Variants in ERLEC1 observed in about 807,000 individuals in gnomAD.
The protein encoded by ERLEC1 is endoplasmic reticulum lectin 1, also known as ER lectin.
In ERLEC1, 47 loss-of-function variants were observed where a neutral mutation model predicts 68.0. That is an observed-to-expected ratio of 0.69 (90% confidence interval 0.55 to 0.88). The LOEUF (loss-of-function observed/expected upper bound fraction) is 0.88, where lower values mean the gene tolerates loss of function less well. Among genes scored for constraint, ERLEC1 ranks in the 40% least tolerant of loss-of-function variants. The probability of loss-of-function intolerance (pLI) is 0.00; values close to 1 mark genes in which losing one functional copy is unlikely to be tolerated. For missense variants in ERLEC1, 567 were observed against 583.8 expected, an observed-to-expected ratio of 0.97 and a Z score of 0.30; for synonymous variants, 225 against 203.2, an observed-to-expected ratio of 1.11 and a Z score of -0.91.
At chr2:53,805,522 C>G (rs1395151579) in intron 8 of ERLEC1, among the ~76,000 whole-genome samples, 3 of 152,102 alleles carry the variant, frequency 2.0e-5, no homozygotes, top group African/African-American at 7.2e-5. Flanking sequence ...CTGGACGACC[C>G]TACATTTTCT....
At chr2:53,815,238 T>G (rs986697543) in intron 13 of ERLEC1, among the ~76,000 whole-genome samples, 1 of 151,980 alleles carries the variant, frequency 6.6e-6, no homozygotes, top group African/African-American at 2.4e-5. Flanking sequence ...ACTCCTGACC[T>G]CAGGTGATCC....
rs150918246 is a variant in ERLEC1, at chr2:53,797,785, A to G, written c.480A>G (p.Leu160=). The change falls in exon 5 of 14, where the codon CTA becomes CTG. Residue 160 remains leucine, a synonymous_variant. Coordinates refer to ENST00000185150, the MANE Select transcript of ERLEC1 (RefSeq NM_015701.5). ...GGAATATGTTGGCCAAGAACCTTCT[A>G]TTTGAAAAAGGTTGGTGTCTACCCA... ...YLGNMLAKNL[L]FEKEREAEEK... is the part of the protein sequence containing the mutation. 5.0e-5 allele frequency: 80 copies of G among 1,612,346 alleles called. 1 individual carries two copies. In the Admixed American group the frequency reaches 8.7e-4, roughly 17 times the overall value.
chr2:53,802,757 A>G (rs1271561475), intron 8 of ERLEC1, among the ~76,000 whole-genome samples: 1 of 151,996 alleles, frequency 6.6e-6, no homozygotes, highest in Non-Finnish European at 1.5e-5. Context: ...AGTACCGCGG[A>G]GTTTTGCTCT....
chr2:53,787,125 GCCTCCT>G lies in ERLEC1; in HGVS notation c.-80_-75del. On this transcript the variant is annotated 5_prime_UTR_variant, in exon 1 of 14. Coordinates refer to ENST00000185150, the MANE Select transcript of ERLEC1 (RefSeq NM_015701.5). ...TACCCGGGCGCTTTATAGTCCCGCC[GCCTCCT>G]CCTCCACCTCCTCCTCCTCCTCCTC... 4 of 661,220 alleles carry G rather than the reference GCCTCCT, an allele frequency of 6.0e-6. No homozygotes were observed. Among genetic ancestry groups the G allele is most frequent in the African/African-American group, 1.9e-5 (1 of 52,658 alleles). The allele number at this position is 661,220 out of a possible 1,614,324, so 41.0% of individuals were successfully genotyped here. A position where few individuals can be genotyped will look rare whatever the true frequency, so the allele number is the denominator to read the frequency against.
intron 3 of ERLEC1, 49 bp downstream of exon 3, chr2:53,796,062 C>T: frequency 1.6e-6 from 2 of 1,221,954 alleles, no homozygotes; most frequent in South Asian, 1.4e-5. Flanking sequence ...TTACCAACAG[C>T]CAACAGACCT....
chr2:53,787,375 C>G lies in ERLEC1; in HGVS notation c.162+3C>G. 6.2e-7 allele frequency: 1 copy of G among 1,607,856 alleles called. No individual in the cohort carries two copies. Among genetic ancestry groups the G allele is most frequent in the Non-Finnish European group, 8.5e-7 (1 of 1,177,660 alleles). Reference sequence around the variant, plus strand: ...GGCCCGGCACCGAGTTCTCTCTGGTCAGTGCCCTCACTAACCCCGCAGCCA... The same window carrying G: ...GGCCCGGCACCGAGTTCTCTCTGGTGAGTGCCCTCACTAACCCCGCAGCCA... On this transcript the variant is annotated splice_donor_region_variant and intron_variant, in intron 1 of 13. Coordinates refer to ENST00000185150, the MANE Select transcript of ERLEC1 (RefSeq NM_015701.5).
intron 2 of ERLEC1, among the ~76,000 whole-genome samples, chr2:53,794,762 C>CT (rs1194444153): frequency 6.6e-6 from 1 of 152,146 alleles, no homozygotes; most frequent in Non-Finnish European, 1.5e-5. Context: ...TCAAGAAATT[C>CT]TCCTGTCTCA....
At chr2:53,812,914 A>G (rs762426328) in intron 10 of ERLEC1, 35 bp from the exon 11 acceptor site, 2 of 1,598,610 alleles carry the variant, frequency 1.3e-6, no homozygotes, top group African/African-American at 2.7e-5. Flanking sequence ...GATGATATCA[A>G]GCACGCATTA....
At chr2:53,790,711 T>C (rs1675347304) in intron 1 of ERLEC1, among the ~76,000 whole-genome samples, 1 of 151,222 alleles carries the variant, frequency 6.6e-6, no homozygotes, top group Admixed American at 6.6e-5. Context: ...TGGTCAAAAC[T>C]ATCCTCTGGT....
At chr2:53,806,719 C>T (rs984224069) in intron 8 of ERLEC1, among the ~76,000 whole-genome samples, 11 of 152,112 alleles carry the variant, frequency 7.2e-5, no homozygotes, top group Admixed American at 2.6e-4. Context: ...AGCTGGTTAA[C>T]GGTAACTGCA....
chr2:53,798,560 A>G (rs1023668082), intron 5 of ERLEC1, among the ~76,000 whole-genome samples: 3 of 152,006 alleles, frequency 2.0e-5, no homozygotes, highest in African/African-American at 7.2e-5. Flanking sequence ...GCCACCATGC[A>G]CAGCCTAAAA....
rs551205649 is a variant in ERLEC1, at chr2:53,811,150, G to A, written c.1102-1799G>A. 3.3e-5 allele frequency among the ~76,000 whole-genome samples: 5 copies of A among 152,244 alleles called. No homozygotes were observed. The East Asian group carries it at 5.8e-4, about 18-fold the overall frequency. On this transcript the variant is annotated intron_variant, in intron 10 of 13. Transcript: ENST00000185150. ...CTTAGTATCTTGGAGATTGCTCCAC[G>A]TCAGCAACAATCGATTTCATTCTTT... is the stretch of plus-strand genomic sequence containing the variant.
chr2:53,795,721 T>C (rs901953483), intron 2 of ERLEC1, among the ~76,000 whole-genome samples: 4 of 152,214 alleles, frequency 2.6e-5, no homozygotes, highest in Non-Finnish European at 4.4e-5. Context: ...TAAGAAAGCA[T>C]GAACTCTGTG....
At chr2:53,797,144 C>G (rs1675756153) in intron 3 of ERLEC1, among the ~76,000 whole-genome samples, 1 of 152,194 alleles carries the variant, frequency 6.6e-6, no homozygotes, top group Admixed American at 6.5e-5. Context: ...ATCTGCCCAC[C>G]TTGGCCTCCC....
intron 10 of ERLEC1, 106 bp from the exon 11 acceptor site, chr2:53,812,843 C>A: frequency 8.9e-7 from 1 of 1,129,526 alleles, no homozygotes. Context: ...ATATAGATAT[C>A]CACTGTGCAG....
intron 6 of ERLEC1, among the ~76,000 whole-genome samples, chr2:53,800,267 A>G (rs528604626): frequency 3.4e-4 from 52 of 152,258 alleles, no homozygotes; most frequent in African/African-American, 1.1e-3. Context: ...TGCTACCGCA[A>G]TGCCAATATC....
At chr2:53,809,599 A>C (rs908195605) in intron 10 of ERLEC1, among the ~76,000 whole-genome samples, 13 of 152,170 alleles carry the variant, frequency 8.5e-5, no homozygotes, top group Non-Finnish European at 1.9e-4. Context: ...TAAGAAAATG[A>C]ATTAGCCGGG....
At chr2:53,798,871 TC>T (rs1558596507) in intron 5 of ERLEC1, among the ~76,000 whole-genome samples, 175 bp from the exon 6 acceptor site, 1 of 152,072 alleles carries the variant, frequency 6.6e-6, no homozygotes. Flanking sequence ...AAATATGACT[TC>T]CTTTCATACA....
At chr2:53,813,419 CAA>C (rs940431407) in intron 11 of ERLEC1, among the ~76,000 whole-genome samples, 1 of 152,070 alleles carries the variant, frequency 6.6e-6, no homozygotes, top group African/African-American at 2.4e-5. Context: ...GAATGCCTGG[CAA>C]TAGCATGCAA....
Sources: gnomAD v4.1 joint callset for allele counts (sites outside exome capture counted in the v4.1 genomes callset) on GRCh38, gnomAD v4.1.1 for gene constraint, MANE v1.5 for transcripts, NCBI Gene and HGNC (gene_info 2026-07-23, HGNC 2026-07-21) for gene names.